Variants in PLSCR5 observed in about 807,000 individuals in gnomAD.
PLSCR5 encodes phospholipid scramblase family member 5, also known as phospholipid scramblase family, member 5.
In PLSCR5, 44 loss-of-function variants were observed where a neutral mutation model predicts 33.6. The observed-to-expected ratio is 1.31, with a 90% CI of 1.03 to 1.69. The LOEUF is 1.69. Ranked by LOEUF, PLSCR5 falls within the 40% of genes most tolerant of loss-of-function variation. The probability of loss-of-function intolerance (pLI) is 0.00; values close to 1 mark genes in which losing one functional copy is unlikely to be tolerated. For missense variants in PLSCR5, 375 were observed against 318.7 expected (o/e 1.18, Z -1.34); for synonymous variants, 148 against 112.3 (o/e 1.32, Z -2.01).
At chr3:146,584,562 C>T (rs767915370), downstream of PLSCR5, among the ~76,000 whole-genome samples, 11 of 152,050 alleles carry the variant, frequency 7.2e-5, no homozygotes, top group Non-Finnish European at 1.3e-4. Context: ...ACTACTCTGC[C>T]TCAGGTACAA....
chr3:146,596,267 C>A (rs2044760425), intron 2 of PLSCR5, among the ~76,000 whole-genome samples: 1 of 152,174 alleles, frequency 6.6e-6, no homozygotes, highest in Admixed American at 6.5e-5. Context: ...TGGCTCACTG[C>A]AACCTCCACC....
At chr3:146,586,219 G>A in intron 6 of PLSCR5, 107 bp from the exon 7 acceptor site, 2 of 1,084,486 alleles carry the variant, frequency 1.8e-6, no homozygotes, top group Non-Finnish European at 2.5e-6. Flanking sequence ...TATTTCCAGT[G>A]GTGTTCCAGT....
chr3:146,600,314 G>C lies in PLSCR5; in HGVS notation c.163C>G (p.Pro55Ala). The C allele has an allele frequency of 6.2e-7, 1 of 1,600,940 alleles. No individual in the cohort carries two copies. Among genetic ancestry groups the C allele is most frequent in the African/African-American group, 1.3e-5 (1 of 74,738 alleles). ...TGGCTTAAATATTCTAGACCAGGAG[G>C]GAGACTGACTGTTGGCAGGAAACTG... ...PSSFLPTVSL[P>A]PGLEYLSQLD... Residue 55 changes from proline (P) to alanine (A), a missense_variant, in exon 2 of 8, where the codon CCT becomes GCT. Transcript: ENST00000443512.
At chr3:146,594,935 A>G (rs2044745981) in intron 3 of PLSCR5, 106 bp downstream of exon 3, 4 of 580,464 alleles carry the variant, frequency 6.9e-6, no homozygotes, top group Non-Finnish European at 1.1e-5. Flanking sequence ...TCTATTCTAC[A>G]CATTTAACTT....
At chr3:146,587,196 C>T (rs2044673268) in intron 6 of PLSCR5, among the ~76,000 whole-genome samples, 1 of 152,140 alleles carries the variant, frequency 6.6e-6, no homozygotes, top group Non-Finnish European at 1.5e-5. Flanking sequence ...GAGCGAGCTT[C>T]TAGGTGGTGC....
At chr3:146,598,446 T>C (rs1246338278) in intron 2 of PLSCR5, among the ~76,000 whole-genome samples, 2 of 152,240 alleles carry the variant, frequency 1.3e-5, no homozygotes, top group Non-Finnish European at 1.5e-5. Flanking sequence ...AGAAGTAGAA[T>C]ATTCAACAAT....
Position 146,594,150 on chromosome 3 carries a change from C to CAA in PLSCR5, c.233-12_233-11dup. On this transcript the variant is annotated splice_polypyrimidine_tract_variant and intron_variant, in intron 3 of 7. Coordinates refer to ENST00000443512, the MANE Select transcript of PLSCR5 (RefSeq NM_001085420.2). ...TCAGTACCAAGTATCACTAATGGAA[C>CAA]AAAAAAAAAATTATAAAAACATTTT... 2 of 1,492,462 alleles carry CAA rather than the reference C, an allele frequency of 1.3e-6. No individual in the cohort carries two copies. Among genetic ancestry groups the CAA allele is most frequent in the Non-Finnish European group, 1.8e-6 (2 of 1,094,750 alleles). The allele number at this position is 1,492,462 out of a possible 1,614,324, so 92.5% of individuals were successfully genotyped here. A position where few individuals can be genotyped will look rare whatever the true frequency, so the allele number is the denominator to read the frequency against.
intron 1 of PLSCR5, among the ~76,000 whole-genome samples, chr3:146,604,538 C>G (rs1415098564): frequency 6.6e-6 from 1 of 152,028 alleles, no homozygotes; most frequent in Non-Finnish European, 1.5e-5. Context: ...TCTAGCCCAT[C>G]ACATTTAAGA....
intron 1 of PLSCR5, among the ~76,000 whole-genome samples, chr3:146,603,295 A>G (rs1421552368): frequency 1.3e-5 from 2 of 152,166 alleles, no homozygotes; most frequent in East Asian, 1.9e-4. Context: ...AGCTGAAGAA[A>G]ACTATCCACA....
intron 7 of PLSCR5, among the ~76,000 whole-genome samples, chr3:146,578,860 C>T (rs1231400089): frequency 6.6e-6 from 1 of 151,808 alleles, no homozygotes; most frequent in Non-Finnish European, 1.5e-5. Context: ...TCAAAAATGC[C>T]TTGAAATGCA....
chr3:146,592,626 A>C (rs1395342278), intron 4 of PLSCR5, among the ~76,000 whole-genome samples: 1 of 152,168 alleles, frequency 6.6e-6, no homozygotes, highest in East Asian at 1.9e-4. Flanking sequence ...TATGAAGTTC[A>C]TAGTCTTATG....
intron 7 of PLSCR5, among the ~76,000 whole-genome samples, chr3:146,578,389 G>C (rs191119588): frequency 6.6e-6 from 1 of 152,164 alleles, no homozygotes; most frequent in East Asian, 1.9e-4. Context: ...TTTCTAAATA[G>C]AAAGAGTACA....
intron 2 of PLSCR5, among the ~76,000 whole-genome samples, chr3:146,599,147 T>C (rs1050211029): frequency 4.6e-5 from 7 of 152,184 alleles, no homozygotes; most frequent in Non-Finnish European, 1.0e-4. Flanking sequence ...CATACATGAA[T>C]AGCAATAGCT....
chr3:146,594,662 A>G (rs551997166), intron 3 of PLSCR5, among the ~76,000 whole-genome samples: 14 of 152,074 alleles, frequency 9.2e-5, no homozygotes, highest in Non-Finnish European at 1.9e-4. Flanking sequence ...GTAGATTCTT[A>G]AATAATTTGC....
chr3:146,580,666 G>A (rs1414502536), intron 7 of PLSCR5, among the ~76,000 whole-genome samples: 2 of 151,928 alleles, frequency 1.3e-5, no homozygotes, highest in South Asian at 2.1e-4. Context: ...GTTTCACCGT[G>A]TTGCCCGGCT....
chr3:146,599,514 CTTTTTTT>C (rs200837530), intron 2 of PLSCR5, among the ~76,000 whole-genome samples: 2 of 141,896 alleles, frequency 1.4e-5, no homozygotes, highest in Non-Finnish European at 3.1e-5. Context: ...TTTGCATTAA[CTTTTTTT>C]TTTTTTTTTG....
At chr3:146,590,447 T>C (rs1160975548) in intron 5 of PLSCR5, 2 of 152,042 alleles carry the variant, frequency 1.3e-5, no homozygotes, top group African/African-American at 4.8e-5. Context: ...ATGTACCATA[T>C]AGGAAGTTAA....
At chr3:146,580,251 T>C (rs1270123743) in intron 7 of PLSCR5, among the ~76,000 whole-genome samples, 1 of 152,106 alleles carries the variant, frequency 6.6e-6, no homozygotes, top group Non-Finnish European at 1.5e-5. Flanking sequence ...CTTAAAATCC[T>C]TTACATTCCA....
At chr3:146,593,487 G>A (rs1022918553) in intron 4 of PLSCR5, among the ~76,000 whole-genome samples, 5 of 152,144 alleles carry the variant, frequency 3.3e-5, no homozygotes, top group African/African-American at 1.2e-4. Context: ...ATGGGTAAAT[G>A]CATTGTGAGA....
Sources: gnomAD v4.1 joint callset for allele counts (sites outside exome capture counted in the v4.1 genomes callset) on GRCh38, gnomAD v4.1.1 for gene constraint, MANE v1.5 for transcripts, NCBI Gene and HGNC (gene_info 2026-07-23, HGNC 2026-07-21) for gene names.